Variants in MTCL2 observed in about 807,000 individuals in gnomAD.
MTCL2 encodes microtubule crosslinking factor 2, also known as microtubule cross-linking factor 2.
the MTCL2 span, chr20:36,786,403 G>A: frequency 4.4e-4 from 636 of 1,431,680 alleles, 4 homozygotes; most frequent in Middle Eastern, 8.0e-3. Context: ...ACAGCCCCTC[G>A]CCTCACCTCG....
the MTCL2 span, among the ~76,000 whole-genome samples, chr20:36,786,883 G>A: frequency 1.3e-5 from 2 of 152,282 alleles, no homozygotes; most frequent in South Asian, 2.1e-4. Flanking sequence ...CCATGGTCCT[G>A]CACGCCAAAG....
At chr20:36,812,398 C>G in the MTCL2 span, among the ~76,000 whole-genome samples, 1 of 152,238 alleles carries the variant, frequency 6.6e-6, no homozygotes, top group Non-Finnish European at 1.5e-5. Context: ...AGACTGCTGC[C>G]TTCCTGCTAC....
chr20:36,827,084 G>A, the MTCL2 span, among the ~76,000 whole-genome samples: 10 of 149,024 alleles, frequency 6.7e-5, no homozygotes, highest in South Asian at 4.2e-4. Flanking sequence ...CACTTTTGTC[G>A]CCCAGGCTGG....
At chr20:36,812,916 C>G in the MTCL2 span, 1 of 1,532,204 alleles carries the variant, frequency 6.5e-7, no homozygotes, top group South Asian at 1.2e-5. Context: ...GCCAGAAACA[C>G]CCACCCCAGG....
At chr20:36,818,115 T>C in the MTCL2 span, among the ~76,000 whole-genome samples, 21 of 152,374 alleles carry the variant, frequency 1.4e-4, no homozygotes, top group Non-Finnish European at 2.8e-4. Flanking sequence ...CTGAGATCAC[T>C]GGTGTAATTC....
the MTCL2 span, among the ~76,000 whole-genome samples, chr20:36,841,874 G>GGGGTGTGTGGGT: frequency 4.5e-3 from 499 of 110,852 alleles, 1 homozygote; most frequent in East Asian, 0.02. Flanking sequence ...TGGGGGGTGG[G>GGGGTGTGTGGGT]GTGTGTGTGT....
the MTCL2 span, among the ~76,000 whole-genome samples, chr20:36,846,395 T>C: frequency 5.3e-5 from 8 of 152,124 alleles, no homozygotes. Context: ...CTCTTGAAGC[T>C]AACCCAGATT....
the MTCL2 span, among the ~76,000 whole-genome samples, chr20:36,825,741 G>A: frequency 5.9e-5 from 9 of 152,174 alleles, no homozygotes; most frequent in African/African-American, 1.2e-4. Flanking sequence ...AGGGACCCTC[G>A]TCTCCATAGA....
At chr20:36,780,223 T>C in the MTCL2 span, 6 of 151,708 alleles carry the variant, frequency 4.0e-5, no homozygotes, top group African/African-American at 1.5e-4. Flanking sequence ...TACTATATGA[T>C]TCTACTTAAA....
At chr20:36,862,557 G>A in the MTCL2 span, 1 of 1,175,266 alleles carries the variant, frequency 8.5e-7, no homozygotes, top group Non-Finnish European at 1.1e-6. Flanking sequence ...CCCTTTCTCC[G>A]GATTGTTCAG....
At chr20:36,855,023 C>T in the MTCL2 span, among the ~76,000 whole-genome samples, 4 of 152,258 alleles carry the variant, frequency 2.6e-5, no homozygotes, top group Non-Finnish European at 4.4e-5. Flanking sequence ...CAAGCCAACA[C>T]CCACAGAGGG....
chr20:36,785,666 T>G, the MTCL2 span: 1 of 985,240 alleles, frequency 1.0e-6, no homozygotes, highest in Non-Finnish European at 1.2e-6. Context: ...ATTTAGGCAT[T>G]TATCTATGCA....
the MTCL2 span, among the ~76,000 whole-genome samples, chr20:36,800,127 C>A: frequency 6.6e-6 from 1 of 152,138 alleles, no homozygotes; most frequent in Non-Finnish European, 1.5e-5. Context: ...GTCAGAGACA[C>A]AAGAGGCTGG....
chr20:36,862,598 C>G, the MTCL2 span: 1 of 1,417,142 alleles, frequency 7.1e-7, no homozygotes, highest in Non-Finnish European at 9.2e-7. Flanking sequence ...TGCCTCAGGC[C>G]CGCGGGACTG....
the MTCL2 span, among the ~76,000 whole-genome samples, chr20:36,848,113 C>T: frequency 2.0e-5 from 3 of 152,220 alleles, no homozygotes; most frequent in Admixed American, 2.0e-4. Context: ...TGCACCACTG[C>T]ACTCCAGGCT....
chr20:36,824,763 C>T, the MTCL2 span, among the ~76,000 whole-genome samples: 1 of 151,796 alleles, frequency 6.6e-6, no homozygotes, highest in Non-Finnish European at 1.5e-5. Flanking sequence ...AGCAATTCTC[C>T]CACCTCAACC....
At chr20:36,821,514 G>A in the MTCL2 span, among the ~76,000 whole-genome samples, 1 of 152,050 alleles carries the variant, frequency 6.6e-6, no homozygotes, top group Non-Finnish European at 1.5e-5. Flanking sequence ...GGCAACAAGA[G>A]AGAAACTCTG....
At chr20:36,800,544 G>C in the MTCL2 span, among the ~76,000 whole-genome samples, 1 of 152,238 alleles carries the variant, frequency 6.6e-6, no homozygotes, top group South Asian at 2.1e-4. Flanking sequence ...AGTTCTGCCA[G>C]ATTCTGGTCC....
At chr20:36,841,046 G>C in the MTCL2 span, among the ~76,000 whole-genome samples, 1 of 149,232 alleles carries the variant, frequency 6.7e-6, no homozygotes, top group Non-Finnish European at 1.5e-5. Flanking sequence ...GCAGTGGCTC[G>C]CACCTCTAAT....
Sources: gnomAD v4.1 joint callset for allele counts (sites outside exome capture counted in the v4.1 genomes callset) on GRCh38, gnomAD v4.1.1 for gene constraint, MANE v1.5 for transcripts, NCBI Gene and HGNC (gene_info 2026-07-23, HGNC 2026-07-21) for gene names.